Variants in SH3RF3 observed in about 807,000 individuals in gnomAD.
The protein encoded by SH3RF3 is SH3 domain containing ring finger 3, also known as E3 ubiquitin-protein ligase SH3RF3.
Under a neutral mutation model 66.3 loss-of-function variants are expected in SH3RF3, and 29 were observed. The ratio of observed to expected loss-of-function variants is 0.44; its 90% CI spans 0.33 to 0.60. The LOEUF (loss-of-function observed/expected upper bound fraction) is 0.60. Ranked by LOEUF, SH3RF3 falls within the 20% of genes least tolerant of loss-of-function variation. The pLI, the probability that SH3RF3 is intolerant of heterozygous loss-of-function variation, is 0.04. For missense variants in SH3RF3, 1,194 were observed against 1,190.9 expected, an observed-to-expected ratio of 1.00 and a Z score of -0.04; for synonymous variants, 583 against 532.0, an observed-to-expected ratio of 1.10 and a Z score of -1.32.
chr2:109,441,046 G>A (rs1254571412), intron 7 of SH3RF3, among the ~76,000 whole-genome samples: 3 of 148,970 alleles, frequency 2.0e-5, no homozygotes, highest in Admixed American at 1.3e-4. Context: ...ACCCAACAGA[G>A]CTCAAAAACA....
At chr2:109,317,330 TGTGGGCAG>T (rs1681909532) in intron 1 of SH3RF3, among the ~76,000 whole-genome samples, 1 of 152,120 alleles carries the variant, frequency 6.6e-6, no homozygotes, top group Non-Finnish European at 1.5e-5. Flanking sequence ...AGGGGGCGTC[TGTGGGCAG>T]GTGGGCAGGT....
chr2:109,350,757 C>T (rs1335897397), intron 2 of SH3RF3, among the ~76,000 whole-genome samples: 2 of 152,256 alleles, frequency 1.3e-5, no homozygotes, highest in Admixed American at 1.3e-4. Flanking sequence ...AATCAGACCT[C>T]CAGGAACCAA....
chr2:109,354,228 C>T (rs766366515), intron 2 of SH3RF3, among the ~76,000 whole-genome samples: 6 of 152,200 alleles, frequency 3.9e-5, no homozygotes, highest in Non-Finnish European at 8.8e-5. Flanking sequence ...ACCTGTGTGC[C>T]GCCAACGGAT....
chr2:109,436,278 A>G (rs1677394851), intron 6 of SH3RF3, among the ~76,000 whole-genome samples: 1 of 152,238 alleles, frequency 6.6e-6, no homozygotes, highest in African/African-American at 2.4e-5. Flanking sequence ...GATTAATTGC[A>G]AATACACAGA....
intron 1 of SH3RF3, among the ~76,000 whole-genome samples, chr2:109,324,646 G>C (rs1682105506): frequency 6.6e-6 from 1 of 152,224 alleles, no homozygotes; most frequent in Admixed American, 6.5e-5. Flanking sequence ...AGAAGGCGAA[G>C]TTGATCCTTT....
chr2:109,379,129 A>G (rs970619111), intron 3 of SH3RF3, among the ~76,000 whole-genome samples: 3 of 152,146 alleles, frequency 2.0e-5, no homozygotes, highest in African/African-American at 7.2e-5. Flanking sequence ...CTGCTGTCCC[A>G]TATCTGCAAA....
intron 3 of SH3RF3, among the ~76,000 whole-genome samples, chr2:109,380,507 G>C (rs1683487918): frequency 1.3e-5 from 2 of 152,218 alleles, no homozygotes; most frequent in Non-Finnish European, 2.9e-5. Flanking sequence ...ATGGGTCTAA[G>C]CTGGGAAGCT....
intron 1 of SH3RF3, among the ~76,000 whole-genome samples, chr2:109,230,194 C>T (rs1679472203): frequency 6.6e-6 from 1 of 151,828 alleles, no homozygotes; most frequent in Admixed American, 6.6e-5. Flanking sequence ...TTTATCCATT[C>T]AAATACGGAC....
Position 109,209,618 on chromosome 2 carries a change from T to C in SH3RF3, c.573+79505T>C, listed in dbSNP as rs180754078. On this transcript the variant is annotated intron_variant, in intron 1 of 9. Transcript: ENST00000309415. ...TCCTATCCACTCCCTGCTGTGTAGG[T>C]GGGGAGGAAAGGGAGAAACGCTGTG... Among the ~76,000 whole-genome samples the C allele has an allele frequency of 7.3e-3, 1,117 of 152,146 alleles. 10 individuals are homozygous for C. The highest frequency in any genetic ancestry group is 0.024 in the South Asian group (116 of 4,818).
intron 1 of SH3RF3, among the ~76,000 whole-genome samples, chr2:109,228,111 A>G (rs931590909): frequency 2.0e-5 from 3 of 152,210 alleles, no homozygotes; most frequent in Middle Eastern, 3.4e-3. Context: ...CATACAGGCA[A>G]TCTCTAATGG....
intron 1 of SH3RF3, among the ~76,000 whole-genome samples, chr2:109,253,020 C>CT (rs1170230845): frequency 2.0e-5 from 3 of 151,344 alleles, no homozygotes; most frequent in East Asian, 1.9e-4. Flanking sequence ...GTAGCCTTTA[C>CT]TTTTTTTTTC....
chr2:109,468,873 A>G (rs1678429610), intron 8 of SH3RF3, among the ~76,000 whole-genome samples: 1 of 151,046 alleles, frequency 6.6e-6, no homozygotes, highest in Admixed American at 6.6e-5. Flanking sequence ...AAAAAAAAAA[A>G]AAAGTTAAAT....
intron 1 of SH3RF3, among the ~76,000 whole-genome samples, chr2:109,136,220 G>A (rs1437913767): frequency 6.6e-6 from 1 of 150,472 alleles, no homozygotes. Flanking sequence ...CTTTTTTGAG[G>A]TGCATTAAAA....
At chr2:109,169,646 A>G (rs569391224) in intron 1 of SH3RF3, among the ~76,000 whole-genome samples, 1 of 152,264 alleles carries the variant, frequency 6.6e-6, no homozygotes, top group East Asian at 1.9e-4. Flanking sequence ...GGGTTGGGCA[A>G]TGTATTTGAA....
intron 1 of SH3RF3, among the ~76,000 whole-genome samples, chr2:109,158,302 C>T (rs1428879540): frequency 6.6e-6 from 1 of 152,198 alleles, no homozygotes; most frequent in Admixed American, 6.5e-5. Context: ...CTTTCTGGTA[C>T]AGGTGAATCA....
Position 109,194,077 on chromosome 2 carries a change from G to A in SH3RF3, c.573+63964G>A, listed in dbSNP as rs576689987. Among the ~76,000 whole-genome samples the A allele has an allele frequency of 3.3e-5, 5 of 152,336 alleles. No individual in the cohort carries two copies. In the South Asian group the frequency reaches 8.3e-4, roughly 25 times the overall value. On this transcript the variant is annotated intron_variant, in intron 1 of 9. Coordinates refer to ENST00000309415, the MANE Select transcript of SH3RF3 (RefSeq NM_001099289.3). Reference sequence around the variant, plus strand: ...ACAGTGTGCCAAATCTCCAGGTCAGGATATTCTGATAAAAACTCCCCAAGA... The same window carrying A: ...ACAGTGTGCCAAATCTCCAGGTCAGAATATTCTGATAAAAACTCCCCAAGA...
chr2:109,156,223 AG>A (rs1677341954), intron 1 of SH3RF3, among the ~76,000 whole-genome samples: 1 of 152,298 alleles, frequency 6.6e-6, no homozygotes, highest in African/African-American at 2.4e-5. Context: ...TTGTGGGTTG[AG>A]GGGGCTGGCA....
chr2:109,397,919 T>C (rs1676193189), intron 3 of SH3RF3, among the ~76,000 whole-genome samples: 1 of 152,184 alleles, frequency 6.6e-6, no homozygotes, highest in Non-Finnish European at 1.5e-5. Flanking sequence ...TGTAGAACAA[T>C]GGGAGATGTG....
chr2:109,251,265 A>C (rs1680085417), intron 1 of SH3RF3, among the ~76,000 whole-genome samples: 1 of 152,166 alleles, frequency 6.6e-6, no homozygotes, highest in South Asian at 2.1e-4. Context: ...AGCCTCCCAA[A>C]GTGCTGGGAT....
Sources: allele counts gnomAD v4.1 joint callset (sites outside exome capture counted in the v4.1 genomes callset), GRCh38; gene constraint gnomAD v4.1.1; transcripts MANE v1.5; gene names NCBI Gene and HGNC (gene_info 2026-07-23, HGNC 2026-07-21).